ATP8A2: variants seen among roughly 807,000 people sequenced by gnomAD.
ATP8A2 encodes phospholipid-transporting ATPase IB.
ATP8A2 carries 100 observed loss-of-function variants against 165.6 expected under a neutral mutation model. The ratio of observed to expected loss-of-function variants is 0.60; its 90% CI spans 0.51 to 0.71. The LOEUF (loss-of-function observed/expected upper bound fraction) is 0.71, where lower values mean the gene tolerates loss of function less well. Ranked by LOEUF, ATP8A2 falls within the 30% of genes least tolerant of loss-of-function variation. The probability of loss-of-function intolerance (pLI) is 0.00; values close to 1 mark genes in which losing one functional copy is unlikely to be tolerated. For synonymous variants in ATP8A2, 543 were observed against 548.8 expected (o/e 0.99, Z 0.15); for missense variants, 1,227 against 1,479.5 (o/e 0.83, Z 2.80).
In ATP8A2 at chr13:25,452,207, C is replaced by T. The variant is rs186923964; in HGVS notation, c.77-16770C>T. Among the ~76,000 whole-genome samples, 301 of 152,182 alleles carry T rather than the reference C, an allele frequency of 2.0e-3. 3 individuals are homozygous for T. Among genetic ancestry groups the T allele is most frequent in the African/African-American group, 6.8e-3 (282 of 41,522 alleles). On this transcript the variant is annotated intron_variant, in intron 1 of 36. Transcript: ENST00000381655. ...GGTTTGAGTGAGAGAACTTGGAGAG[C>T]GGGAAGGTCACAACCCAGCTCAGAT...
intron 27 of ATP8A2, among the ~76,000 whole-genome samples, chr13:25,811,197 A>G (rs903821751): frequency 1.3e-5 from 2 of 152,192 alleles, no homozygotes; most frequent in African/African-American, 2.4e-5. Flanking sequence ...CATGATTTAA[A>G]ATTGATAATT....
rs367728355 is a variant in ATP8A2, at chr13:25,372,721, C to G, written c.76+433C>G. Among the ~76,000 whole-genome samples, 6 of 152,194 alleles carry G rather than the reference C, an allele frequency of 3.9e-5. No individual in the cohort carries two copies. The East Asian group carries it at 1.2e-3, about 29-fold the overall frequency. On this transcript the variant is annotated intron_variant, in intron 1 of 36. Coordinates refer to ENST00000381655, the MANE Select transcript of ATP8A2 (RefSeq NM_016529.6). The surrounding 1 kb of genome is among the most constrained non-coding windows in gnomAD (Gnocchi z 4.8). ...CGGCCGGCACCGCTGTGCTGCAGAG[C>G]TCAAAAGCAGAGGGGGAAAAAGGCA... is the stretch of plus-strand genomic sequence containing the variant.
chr13:25,963,552 T>G (rs985800909), intron 34 of ATP8A2, among the ~76,000 whole-genome samples: 10 of 152,214 alleles, frequency 6.6e-5, no homozygotes, highest in African/African-American at 2.4e-4. Flanking sequence ...ATAAGTCAGT[T>G]TTAGATAAAT....
intron 23 of ATP8A2, among the ~76,000 whole-genome samples, chr13:25,587,247 A>G (rs878925419): frequency 6.6e-6 from 1 of 152,234 alleles, no homozygotes; most frequent in African/African-American, 2.4e-5. Context: ...AACTGGGTTA[A>G]ACTTCCCTGG....
At chr13:25,419,904 A>G (rs752785789) in intron 1 of ATP8A2, among the ~76,000 whole-genome samples, 3 of 152,198 alleles carry the variant, frequency 2.0e-5, no homozygotes, top group Non-Finnish European at 4.4e-5. Flanking sequence ...CTGACAATGC[A>G]CATGCAGGCA....
At chr13:25,513,580 C>T (rs928832668) in intron 2 of ATP8A2, among the ~76,000 whole-genome samples, 1 of 152,076 alleles carries the variant, frequency 6.6e-6, no homozygotes, top group African/African-American at 2.4e-5. Flanking sequence ...GCTGCAATCT[C>T]GGCACTTTGG....
At chr13:25,533,682 C>T (rs2038188178) in intron 6 of ATP8A2, among the ~76,000 whole-genome samples, 1 of 152,164 alleles carries the variant, frequency 6.6e-6, no homozygotes, top group Non-Finnish European at 1.5e-5. Context: ...AGGTCATTAA[C>T]TACAGAGTGG....
At chr13:25,519,961 T>C (rs1383775939) in intron 2 of ATP8A2, among the ~76,000 whole-genome samples, 1 of 152,240 alleles carries the variant, frequency 6.6e-6, no homozygotes, top group Non-Finnish European at 1.5e-5. Flanking sequence ...TAAAGGTACA[T>C]GTAATAATTT....
chr13:25,530,830 AT>A (rs2038008322), intron 4 of ATP8A2, among the ~76,000 whole-genome samples, 170 bp downstream of exon 4: 1 of 152,148 alleles, frequency 6.6e-6, no homozygotes, highest in African/African-American at 2.4e-5. Context: ...AGTGTCCTAA[AT>A]ACCTGTACAG....
intron 35 of ATP8A2, among the ~76,000 whole-genome samples, chr13:25,984,615 C>CA (rs1464739234): frequency 1.4e-3 from 202 of 146,110 alleles, no homozygotes; most frequent in African/African-American, 4.8e-3. Context: ...AAAAAACAAA[C>CA]AAAAACAACA....
At position 25,902,278 on chromosome 13, in the gene ATP8A2, G is replaced by T. The variant is rs377628952; in HGVS notation, c.3183+39870G>T. Reference sequence around the variant, plus strand: ...ATATGCTTATAATCTATCTGTGTGTGTTTTTTAACTCTTACAGTGAAGCTT... The same window carrying T: ...ATATGCTTATAATCTATCTGTGTGTTTTTTTTAACTCTTACAGTGAAGCTT... On this transcript the variant is annotated intron_variant, in intron 33 of 36. Transcript: ENST00000381655. Among the ~76,000 whole-genome samples, 21 of 152,276 alleles carry T rather than the reference G, an allele frequency of 1.4e-4. 2 individuals are homozygous for T. The highest frequency in any genetic ancestry group is 4.8e-4 in the African/African-American group (20 of 41,550).
At chr13:25,571,847 T>G in intron 18 of ATP8A2, 155 bp downstream of exon 18, 1 of 736,882 alleles carries the variant, frequency 1.4e-6, no homozygotes, top group Non-Finnish European at 2.4e-6. Flanking sequence ...TTATATTAGC[T>G]TGTTCGAGTT....
At chr13:25,983,194 T>C (rs1341596747) in intron 35 of ATP8A2, among the ~76,000 whole-genome samples, 1 of 152,244 alleles carries the variant, frequency 6.6e-6, no homozygotes, top group African/African-American at 2.4e-5. Flanking sequence ...TTCATGATAG[T>C]GTCCACAGAA....
At chr13:25,577,212 T>C (rs888693717) in intron 20 of ATP8A2, 74 bp downstream of exon 20, 4 of 1,223,156 alleles carry the variant, frequency 3.3e-6, no homozygotes, top group Non-Finnish European at 4.8e-6. Flanking sequence ...TCCTAACTGC[T>C]TTCCTCATCA....
intron 1 of ATP8A2, among the ~76,000 whole-genome samples, chr13:25,439,835 A>T (rs1402848550): frequency 6.6e-6 from 1 of 151,750 alleles, no homozygotes; most frequent in Non-Finnish European, 1.5e-5. Flanking sequence ...TGGGCCCAGG[A>T]GTTTGTGGTT....
At chr13:25,736,740 C>T (rs1296886450) in intron 25 of ATP8A2, among the ~76,000 whole-genome samples, 1 of 152,070 alleles carries the variant, frequency 6.6e-6, no homozygotes, top group East Asian at 1.9e-4. Flanking sequence ...CTGGATTTGA[C>T]CCGGGGCAAT....
intron 2 of ATP8A2, among the ~76,000 whole-genome samples, chr13:25,506,940 C>CATAAATATATATATATATATATAT (rs2037056715): frequency 7.8e-6 from 1 of 128,714 alleles, no homozygotes; most frequent in African/African-American, 2.8e-5. Flanking sequence ...CAGTACAGTA[C>CATAAATATATATATATATATATAT]ATATATATAT....
At chr13:25,458,749 A>G (rs1375154298) in intron 1 of ATP8A2, among the ~76,000 whole-genome samples, 3 of 152,196 alleles carry the variant, frequency 2.0e-5, no homozygotes, top group Non-Finnish European at 4.4e-5. Flanking sequence ...GTGTGGGATA[A>G]GTGAGGATAA....
At chr13:25,448,708 G>A (rs2035133562) in intron 1 of ATP8A2, among the ~76,000 whole-genome samples, 1 of 152,146 alleles carries the variant, frequency 6.6e-6, no homozygotes. Flanking sequence ...GGAGTGCAGT[G>A]GCATGATCTT....
Sources: allele counts gnomAD v4.1 joint callset (sites outside exome capture counted in the v4.1 genomes callset), GRCh38; gene constraint gnomAD v4.1.1; non-coding constraint Gnocchi (gnomAD v3.1); transcripts MANE v1.5; gene names NCBI Gene and HGNC (gene_info 2026-07-23, HGNC 2026-07-21).